KIF13A: variants seen among roughly 807,000 people sequenced by gnomAD.
KIF13A encodes kinesin family member 13A, also known as kinesin-like protein KIF13A.
KIF13A carries 79 observed loss-of-function variants against 212.2 expected under a neutral mutation model. The observed-to-expected ratio is 0.37, with a 90% CI of 0.31 to 0.45. The LOEUF (loss-of-function observed/expected upper bound fraction) is 0.45, where lower values mean the gene tolerates loss of function less well. KIF13A is among the 20% of genes least tolerant of loss of function. The pLI, the probability that KIF13A is intolerant of heterozygous loss-of-function variation, is 1.00. For synonymous variants in KIF13A, 789 were observed against 808.6 expected, an observed-to-expected ratio of 0.98 and a Z score of 0.41; for missense variants, 1,901 against 2,209.0, an observed-to-expected ratio of 0.86 and a Z score of 2.79.
At chr6:17,942,480 G>A (rs1475664921) in intron 2 of KIF13A, among the ~76,000 whole-genome samples, 1 of 152,020 alleles carries the variant, frequency 6.6e-6, no homozygotes, top group Non-Finnish European at 1.5e-5. Flanking sequence ...CCTCCCATCT[G>A]CAAAATGGGT....
chr6:17,852,542 C>T (rs1767757322), intron 6 of KIF13A, among the ~76,000 whole-genome samples: 1 of 152,138 alleles, frequency 6.6e-6, no homozygotes, highest in South Asian at 2.1e-4. Flanking sequence ...CTCAGTCACC[C>T]ACGCAGCTGG....
rs1391476386 is a variant in KIF13A at position 17,849,536 on chromosome 6, C to A, written c.718-47G>T. On this transcript the variant is annotated intron_variant, in intron 8 of 38. Coordinates refer to ENST00000259711, the MANE Select transcript of KIF13A (RefSeq NM_022113.6). This position sits in a 1 kb window ranked among gnomAD's most constrained non-coding sequence, Gnocchi z 5.7. ...GAGAAGAAAAACTTATCAATAAAAA[C>A]CACATGGATATCTACATATATGTTA... 3 of 1,334,186 alleles carry A rather than the reference C, an allele frequency of 2.2e-6. No individual in the cohort carries two copies. The highest frequency in any genetic ancestry group is 1.4e-5 in the African/African-American group (1 of 69,114). The allele number at this position is 1,334,186 out of a possible 1,614,324, so 82.6% of individuals were successfully genotyped here.
Position 17,776,752 on chromosome 6 carries a change from GTGA to G in KIF13A, c.4170+522_4170+524del, listed in dbSNP as rs1760018670. Among the ~76,000 whole-genome samples the G allele has an allele frequency of 6.6e-6, 1 of 152,188 alleles. No individual in the cohort carries two copies. Among genetic ancestry groups the G allele is most frequent in the Admixed American group, 6.5e-5 (1 of 15,276 alleles). ...ATGCACTAATCTGTCCTATCCCTCTGTGACAGTGTCCCCCCTGCTAGGATCAGT... is the reference window on the plus strand; with the variant it reads ...ATGCACTAATCTGTCCTATCCCTCTGCAGTGTCCCCCCTGCTAGGATCAGT... On this transcript the variant is annotated intron_variant, in intron 34 of 38. Transcript: ENST00000259711. The surrounding 1 kb of genome is among the most constrained non-coding windows in gnomAD (Gnocchi z 4.6).
chr6:17,774,362 A>T (rs1759753820), intron 35 of KIF13A, among the ~76,000 whole-genome samples: 1 of 152,180 alleles, frequency 6.6e-6, no homozygotes, highest in Admixed American at 6.5e-5. Flanking sequence ...TGGTGGATGT[A>T]ACACCTTCTC....
Position 17,815,907 on chromosome 6 carries a change from C to CTT in KIF13A, c.2000+1111_2000+1112dup, listed in dbSNP as rs57780326. The stretch of plus-strand genomic sequence containing the variant: ...ATAAATCTTTTCTTTTAGTCAGGTT[C>CTT]TTTTTTTTTTTTTTTTTGAGACAAA... On this transcript the variant is annotated intron_variant, in intron 17 of 38. Coordinates refer to ENST00000259711, the MANE Select transcript of KIF13A (RefSeq NM_022113.6). Among the ~76,000 whole-genome samples, 331 of 130,526 alleles carry CTT rather than the reference C, an allele frequency of 2.5e-3. 3 individuals carry two copies. The highest frequency in any genetic ancestry group is 0.012 in the South Asian group (48 of 3,998). The allele number at this position is 130,526 out of a possible 152,430, so 85.6% of individuals were successfully genotyped here.
Position 17,892,765 on chromosome 6 carries a change from C to A in KIF13A, c.159+5403G>T, listed in dbSNP as rs539260841. Among the ~76,000 whole-genome samples the A allele has an allele frequency of 5.9e-5, 9 of 152,320 alleles. No homozygotes were observed. On this transcript the variant is annotated intron_variant, in intron 3 of 38. Coordinates refer to ENST00000259711, the MANE Select transcript of KIF13A (RefSeq NM_022113.6). The surrounding 1 kb of genome is among the most constrained non-coding windows in gnomAD (Gnocchi z 4.7). ...CTGGGTTGCTGAACACAAGAAGGTA[C>A]TGGAAGGGCAGTACACACAGAAAGG...
intron 4 of KIF13A, among the ~76,000 whole-genome samples, chr6:17,865,326 G>GAAA (rs397750597): frequency 3.6e-4 from 41 of 112,872 alleles, no homozygotes; most frequent in Admixed American, 1.3e-3. Context: ...AGAGAGAGAG[G>GAAA]AAAAAAAAAA....
At chr6:17,832,358 A>C (rs758093372) in intron 12 of KIF13A, among the ~76,000 whole-genome samples, 1 of 152,180 alleles carries the variant, frequency 6.6e-6, no homozygotes, top group Non-Finnish European at 1.5e-5. Context: ...ATGATATGCT[A>C]TACGTTACAA....
At position 17,825,617 on chromosome 6, in the gene KIF13A, G is replaced by A. The variant is rs1430542902; in HGVS notation, c.1786+151C>T. 1 of 684,238 alleles carries A rather than the reference G, an allele frequency of 1.5e-6. No individual in the cohort carries two copies. 42.4% of individuals were successfully genotyped at this position (684,238 alleles called of 1,614,324 possible). A position where few individuals can be genotyped will look rare whatever the true frequency, so the allele number is the denominator to read the frequency against. On this transcript the variant is annotated intron_variant, in intron 16 of 38. Coordinates refer to ENST00000259711, the MANE Select transcript of KIF13A (RefSeq NM_022113.6). This position sits in a 1 kb window ranked among gnomAD's most constrained non-coding sequence, Gnocchi z 4.5. ...CCATCTCCCCCACATCTTGTCATTA[G>A]TTATTCACTGATGGCCTTTTAAAGA...
chr6:17,874,725 T>C (rs571173446), intron 3 of KIF13A, among the ~76,000 whole-genome samples: 194 of 152,126 alleles, frequency 1.3e-3, no homozygotes, highest in Non-Finnish European at 1.8e-3. Context: ...ACCTGAGCAG[T>C]GTACACTGCA....
At chr6:17,808,951 G>C in intron 17 of KIF13A, 21 bp from the exon 18 acceptor site, 1 of 1,549,150 alleles carries the variant, frequency 6.5e-7, no homozygotes, top group South Asian at 1.2e-5. Context: ...ATAGAAAAGG[G>C]AACGAGAAAA....
In KIF13A at chr6:17,838,139, T is replaced by A. The variant is rs1039181576; in HGVS notation, c.831-556A>T. Among the ~76,000 whole-genome samples, 1 of 151,838 alleles carries A rather than the reference T, an allele frequency of 6.6e-6. No individual in the cohort carries two copies. Among genetic ancestry groups the A allele is most frequent in the Non-Finnish European group, 1.5e-5 (1 of 67,986 alleles). Reference sequence around the variant, plus strand: ...GAGATCAAGACCATCCTGGCCAACATGGTGAAACCCCATCTCTACTAAAAA... The same window carrying A: ...GAGATCAAGACCATCCTGGCCAACAAGGTGAAACCCCATCTCTACTAAAAA... On this transcript the variant is annotated intron_variant, in intron 9 of 38. Coordinates refer to ENST00000259711, the MANE Select transcript of KIF13A (RefSeq NM_022113.6). The surrounding 1 kb of genome is among the most constrained non-coding windows in gnomAD (Gnocchi z 4.2).
Position 17,800,058 on chromosome 6 carries a change from C to G in KIF13A, c.2510G>C (p.Arg837Pro). The G allele has an allele frequency of 6.2e-7, 1 of 1,614,020 alleles. No individual in the cohort carries two copies. The highest frequency in any genetic ancestry group is 8.5e-7 in the Non-Finnish European group (1 of 1,179,898). The change falls in exon 21 of 39, where the codon CGT becomes CCT. Residue 837 changes from arginine to proline, a missense_variant. Arg to Pro is a moderately radical substitution (Grantham distance 103, BLOSUM62 -2). This residue lies in a region of KIF13A where 534 missense variants were observed against 536.9 expected (regional missense o/e 0.99). Transcript: ENST00000259711. ...VMRVTGAVPERVVEDDSSENS... is the reference protein window; with the variant it reads ...VMRVTGAVPEPVVEDDSSENS... ...CTCCGAAGAGTCATCCTCCACCACA[C>G]GCTCTGGAACAGCTCCTGTAACACG...
chr6:17,986,783 C>T (rs1290342096), intron 2 of KIF13A, among the ~76,000 whole-genome samples: 5 of 152,264 alleles, frequency 3.3e-5, no homozygotes, highest in African/African-American at 1.2e-4. Context: ...TCCCATCCGG[C>T]CCTCTCCCTC....
intron 4 of KIF13A, among the ~76,000 whole-genome samples, chr6:17,863,970 A>T (rs1183006179): frequency 1.3e-5 from 2 of 152,180 alleles, no homozygotes; most frequent in Non-Finnish European, 2.9e-5. Context: ...GCATGGGTGG[A>T]TCCCATAAAA....
chr6:17,931,180 T>C (rs1359543480), intron 2 of KIF13A, among the ~76,000 whole-genome samples: 1 of 152,248 alleles, frequency 6.6e-6, no homozygotes, highest in Admixed American at 6.5e-5. Flanking sequence ...AGTTTTGTTC[T>C]TGGTTGACCA....
chr6:17,923,527 T>C (rs955145341), intron 2 of KIF13A, among the ~76,000 whole-genome samples: 22 of 149,930 alleles, frequency 1.5e-4, no homozygotes, highest in Non-Finnish European at 2.7e-4. Flanking sequence ...CATGAATCCC[T>C]GGGTTTGGTT....
In KIF13A at chr6:17,787,231, C is replaced by T. The variant is rs1037172388; in HGVS notation, c.3361+545G>A. On this transcript the variant is annotated intron_variant, in intron 27 of 38. Coordinates refer to ENST00000259711, the MANE Select transcript of KIF13A (RefSeq NM_022113.6). The surrounding 1 kb of genome is among the most constrained non-coding windows in gnomAD (Gnocchi z 4.6). ...TCATCAAAACGAAATTTGAATTTGA[C>T]ATTTAATGTCACAGTTTTATGAGAT... 6.6e-6 allele frequency among the ~76,000 whole-genome samples: 1 copy of T among 152,214 alleles called. No individual in the cohort carries two copies. Among genetic ancestry groups the T allele is most frequent in the African/African-American group, 2.4e-5 (1 of 41,446 alleles).
At chr6:17,873,744 T>C (rs1220127335) in intron 3 of KIF13A, among the ~76,000 whole-genome samples, 1 of 151,928 alleles carries the variant, frequency 6.6e-6, no homozygotes, top group Non-Finnish European at 1.5e-5. Context: ...CATGCCACCA[T>C]ATCGAGCAAT....
Sources: allele counts gnomAD v4.1 joint callset (sites outside exome capture counted in the v4.1 genomes callset), GRCh38; gene constraint gnomAD v4.1.1; regional missense constraint gnomAD v4.1.1; non-coding constraint Gnocchi (gnomAD v3.1); transcripts MANE v1.5; gene names NCBI Gene and HGNC (gene_info 2026-07-23, HGNC 2026-07-21).